KRT27: variants seen among roughly 807,000 people sequenced by gnomAD.
KRT27 encodes keratin 27, also known as keratin, type I cytoskeletal 27.
KRT27 carries 30 observed loss-of-function variants against 45.3 expected under a neutral mutation model. That is an observed-to-expected ratio of 0.66 (90% CI 0.50 to 0.90). The LOEUF (loss-of-function observed/expected upper bound fraction) is 0.90. Among genes scored for constraint, KRT27 ranks in the 40% least tolerant of loss-of-function variants. The pLI, the probability that KRT27 is intolerant of heterozygous loss-of-function variation, is 0.00. For missense variants in KRT27, 610 were observed against 564.3 expected, an observed-to-expected ratio of 1.08 and a Z score of -0.82; for synonymous variants, 204 against 223.9, an observed-to-expected ratio of 0.91 and a Z score of 0.79.
intron 1 of KRT27, 102 bp from the exon 2 acceptor site, chr17:40,781,372 ATC>A: frequency 1.4e-6 from 1 of 692,334 alleles, no homozygotes; most frequent in East Asian, 2.7e-5. Flanking sequence ...TATTTCTGGC[ATC>A]TGTCTCTAAT....
chr17:40,779,427 T>A, intron 5 of KRT27, 75 bp downstream of exon 5: 1 of 1,526,140 alleles, frequency 6.6e-7, no homozygotes, highest in Non-Finnish European at 8.8e-7. Flanking sequence ...TATGTAATTA[T>A]GTTGGAAGAA....
rs530159118 is a variant in KRT27 at position 40,779,635 on chromosome 17, G to A, written c.847-8C>T. 1.5e-5 allele frequency: 25 copies of A among 1,613,884 alleles called. No individual in the cohort carries two copies. Among genetic ancestry groups the A allele is most frequent in the Non-Finnish European group, 1.9e-5 (23 of 1,179,952 alleles). On this transcript the variant is annotated splice_region_variant and splice_polypyrimidine_tract_variant and intron_variant, in intron 4 of 7. Transcript: ENST00000301656. Reference sequence around the variant, plus strand: ...CTGCTGCAGCGAGGCGCTCTGGAACGGCAGGGGCCGCGTTAGGGCGCTGGG... The same window carrying A: ...CTGCTGCAGCGAGGCGCTCTGGAACAGCAGGGGCCGCGTTAGGGCGCTGGG...
intron 7 of KRT27, 47 bp from the exon 8 acceptor site, chr17:40,777,185 T>C (rs1387299223): frequency 6.2e-7 from 1 of 1,610,474 alleles, no homozygotes; most frequent in East Asian, 2.2e-5. Flanking sequence ...AATTCATAAA[T>C]AGGAAATAAA....
chr17:40,777,402 C>G (rs2144156867), intron 6 of KRT27, 100 bp from the exon 7 acceptor site: 1 of 1,531,332 alleles, frequency 6.5e-7, no homozygotes, highest in South Asian at 1.2e-5. Context: ...TGAAATAACA[C>G]TAAAAGAGTA....
chr17:40,779,627 T>C lies in KRT27; in HGVS notation c.847A>G (p.Ser283Gly). The C allele has an allele frequency of 6.2e-7, 1 of 1,614,182 alleles. No individual in the cohort carries two copies. The highest frequency in any genetic ancestry group is 8.5e-7 in the Non-Finnish European group (1 of 1,180,006). The change falls in exon 5 of 8, where the codon AGC becomes GGC. Residue 283 changes from serine (S) to glycine (G), a missense_variant and splice_region_variant. Transcript: ENST00000301656. ...RDAEAWFNEKSASLQQQISDD... is the reference protein window; with the variant it reads ...RDAEAWFNEKGASLQQQISDD... ...GAGATCTGCTGCTGCAGCGAGGCGC[T>C]CTGGAACGGCAGGGGCCGCGTTAGG...
chr17:40,780,580 G>A lies in KRT27; in HGVS notation c.528-124C>T, dbSNP rs1016090861. On this transcript the variant is annotated intron_variant, in intron 2 of 7. Coordinates refer to ENST00000301656, the MANE Select transcript of KRT27 (RefSeq NM_181537.4). The stretch of plus-strand genomic sequence containing the variant: ...ACTAAGATAATACTTAAAACTTCAG[G>A]CCGGGCGCGGTGGCTCACGCCTGTA... The A allele has an allele frequency of 1.5e-5, 13 of 893,792 alleles. No homozygotes were observed. In the Middle Eastern group the frequency reaches 2.1e-3, roughly 147 times the overall value. The allele number at this position is 893,792 out of a possible 1,614,324, so 55.4% of individuals were successfully genotyped here. A position where few individuals can be genotyped will look rare whatever the true frequency, so the allele number is the denominator to read the frequency against.
intron 1 of KRT27, 70 bp from the exon 2 acceptor site, chr17:40,781,340 A>T: frequency 1.2e-6 from 1 of 867,888 alleles, no homozygotes; most frequent in Non-Finnish European, 1.9e-6. Context: ...TTGAAATAAA[A>T]TTACCCATGA....
chr17:40,782,347 A>G lies in KRT27; in HGVS notation c.147T>C (p.Phe49=), dbSNP rs755230846. The G allele has an allele frequency of 2.7e-5, 43 of 1,613,986 alleles. No homozygotes were observed. In the Admixed American group the frequency reaches 7.2e-4, roughly 27 times the overall value. Residue 49 remains phenylalanine, a synonymous_variant, in exon 1 of 8, where the codon TTT becomes TTC. Transcript: ENST00000301656. ...PGIGSGFSCA[F]GGSSSAGGYG... is the part of the protein sequence containing the mutation. ...AGCCTCCTGCAGATGAGCTGCCCCC[A>G]AAAGCACAAGAGAAGCCACTTCCAA...
intron 5 of KRT27, 37 bp downstream of exon 5, chr17:40,779,465 T>G (rs2038290327): frequency 3.8e-6 from 6 of 1,566,096 alleles, no homozygotes; most frequent in Non-Finnish European, 5.2e-6. Context: ...TTTTTCTCAA[T>G]TTCTAAAGCA....
intron 3 of KRT27, among the ~76,000 whole-genome samples, 195 bp downstream of exon 3, chr17:40,780,104 AG>A (rs1296802839): frequency 1.3e-5 from 2 of 151,972 alleles, no homozygotes; most frequent in Admixed American, 1.3e-4. Context: ...CAAGATCTAT[AG>A]GGTTAGAAAC....
chr17:40,777,012 C>T lies in KRT27; in HGVS notation c.1367G>A (p.Arg456Lys). 6.2e-7 allele frequency: 1 copy of T among 1,611,908 alleles called. No homozygotes were observed. Among genetic ancestry groups the T allele is most frequent in the Non-Finnish European group, 8.5e-7 (1 of 1,178,274 alleles). ...AGAGGCTGGAGTTCAGGAAGACACC[C>T]TCTGTTCATTCTTGTTGTTGACTTT... ...STKVNNKNEQ[R>K]VSS The change falls in exon 8 of 8, where the codon AGG becomes AAG. Residue 456 changes from arginine (R) to lysine (K), a missense_variant. By Grantham distance (26) the Arg-to-Lys change is conservative. Coordinates refer to ENST00000301656, the MANE Select transcript of KRT27 (RefSeq NM_181537.4).
In KRT27 at chr17:40,779,518, TGAA is replaced by T. The variant is rs756461195; in HGVS notation, c.953_955del (p.Leu318del). 2 of 1,613,586 alleles carry T rather than the reference TGAA, an allele frequency of 1.2e-6. No homozygotes were observed. The highest frequency in any genetic ancestry group is 2.2e-5 in the South Asian group (2 of 91,076). ...TTCGCTTACCGTTGCTAAGAGGGAC[TGAA>T]GTTCAATCTCAAGGGTTTGAAGAGT... On this transcript the variant is annotated inframe_deletion, in exon 5 of 8. Transcript: ENST00000301656.
In KRT27 at chr17:40,777,499, T is replaced by C. The variant is rs1291360448; in HGVS notation, c.1190+16A>G. On this transcript the variant is annotated intron_variant, in intron 6 of 7. Coordinates refer to ENST00000301656, the MANE Select transcript of KRT27 (RefSeq NM_181537.4). ...CCTTAAAAATGAATTGTTTTCTCAA[T>C]GGCGGCAATACTGACCCATCTTCTC... is the stretch of plus-strand genomic sequence containing the variant. 6.2e-7 allele frequency: 1 copy of C among 1,611,808 alleles called. No homozygotes were observed. Among genetic ancestry groups the C allele is most frequent in the South Asian group, 1.1e-5 (1 of 90,968 alleles).
chr17:40,778,419 G>A (rs2038282486), intron 5 of KRT27, among the ~76,000 whole-genome samples: 1 of 152,158 alleles, frequency 6.6e-6, no homozygotes, highest in African/African-American at 2.4e-5. Context: ...ATAAACTCTG[G>A]TGGTTTACTA....
intron 2 of KRT27, 77 bp from the exon 3 acceptor site, chr17:40,780,533 G>A: frequency 1.5e-6 from 2 of 1,365,962 alleles, no homozygotes; most frequent in Non-Finnish European, 2.0e-6. Flanking sequence ...ATACAACTCA[G>A]ACTAAGCTTT....
rs1426710448 is a variant in KRT27, at chr17:40,777,544, G to A, written c.1161C>T (p.Thr387=). 2 of 1,613,864 alleles carry A rather than the reference G, an allele frequency of 1.2e-6. No individual in the cohort carries two copies. Among genetic ancestry groups the A allele is most frequent in the African/African-American group, 1.3e-5 (1 of 74,910 alleles). ...IKVHLEKEIE[T]YCLLIDGEDG... The stretch of plus-strand genomic sequence containing the variant: ...CTTCTCCATCTATCAGGAGGCAGTA[G>A]GTCTCAATTTCTTTTTCCAGGTGGA... The change falls in exon 6 of 8, where the codon ACC becomes ACT. Residue 387 remains threonine (T), a synonymous_variant. Transcript: ENST00000301656.
At position 40,782,234 on chromosome 17, in the gene KRT27, G is replaced by A; in HGVS notation, c.260C>T (p.Thr87Ile). 1 of 1,614,208 alleles carries A rather than the reference G, an allele frequency of 6.2e-7. No homozygotes were observed. Among genetic ancestry groups the A allele is most frequent in the Middle Eastern group, 1.6e-4 (1 of 6,062 alleles). The change falls in exon 1 of 8, where the codon ACC becomes ATC. Residue 87 changes from threonine (T) to isoleucine (I), a missense_variant. Transcript: ENST00000301656. ...HGLLSGNEKV[T>I]MQNLNDRLAS... ...CAAGCGGTCGTTGAGGTTCTGCATG[G>A]TCACCTTCTCATTGCCAGAGAGGAG...
In KRT27 at chr17:40,777,054, A is replaced by G. The variant is rs1213895550; in HGVS notation, c.1325T>C (p.Val442Ala). The G allele has an allele frequency of 6.2e-7, 1 of 1,613,792 alleles. No individual in the cohort carries two copies. Among genetic ancestry groups the G allele is most frequent in the African/African-American group, 1.3e-5 (1 of 74,930 alleles). The change falls in exon 8 of 8, where the codon GTG becomes GCG. Residue 442 changes from valine to alanine, a missense_variant. By Grantham distance (64) the Val-to-Ala change is moderately conservative. Coordinates refer to ENST00000301656, the MANE Select transcript of KRT27 (RefSeq NM_181537.4). ...GTTGACTTTGGTGGATTTCTCTTCC[A>G]CAGTGTGAACTCTGGATGAGAGAAC... Reference protein sequence around the residue: ...GKVLSSRVHTVEEKSTKVNNK... With the variant: ...GKVLSSRVHTAEEKSTKVNNK...
chr17:40,778,566 A>C (rs1371626441), intron 5 of KRT27, among the ~76,000 whole-genome samples: 1 of 152,234 alleles, frequency 6.6e-6, no homozygotes, highest in Admixed American at 6.5e-5. Context: ...AAATAATGAC[A>C]TGAGTTATAA....
Sources: gnomAD v4.1 joint callset for allele counts (sites outside exome capture counted in the v4.1 genomes callset) on GRCh38, gnomAD v4.1.1 for gene constraint, MANE v1.5 for transcripts, NCBI Gene and HGNC (gene_info 2026-07-23, HGNC 2026-07-21) for gene names.